LOX: variants seen among roughly 807,000 people sequenced by gnomAD.
LOX encodes lysyl oxidase, also known as protein-lysine 6-oxidase.
In LOX, 12 loss-of-function variants were observed where a neutral mutation model predicts 50.5. That is an observed-to-expected ratio of 0.24 (90% CI 0.15 to 0.38). The LOEUF (loss-of-function observed/expected upper bound fraction) is 0.38, where lower values mean the gene tolerates loss of function less well. Ranked by LOEUF, LOX falls within the 10% of genes least tolerant of loss-of-function variation. The probability of loss-of-function intolerance (pLI) is 1.00; values close to 1 mark genes in which losing one functional copy is unlikely to be tolerated. For synonymous variants in LOX, 254 were observed against 230.6 expected, an observed-to-expected ratio of 1.10 and a Z score of -0.92; for missense variants, 504 against 563.8, an observed-to-expected ratio of 0.89 and a Z score of 1.07.
Position 122,077,480 on chromosome 5 carries a change from TCGCCC to T in LOX, c.501_505del (p.Gly168ArgfsTer10). 1 of 1,613,958 alleles carries T rather than the reference TCGCCC, an allele frequency of 6.2e-7. No homozygotes were observed. Among genetic ancestry groups the T allele is most frequent in the South Asian group, 1.1e-5 (1 of 91,082 alleles). ...GTACTTGTAGGGGTTGTAAGGGTCG[TCGCCC>T]ACCATGCCGTCCACGCGGCTGGGCG... On this transcript the variant is annotated frameshift_variant, in exon 1 of 7. Transcript: ENST00000231004. LOFTEE classifies it high-confidence loss of function. This position sits in a 1 kb window ranked among gnomAD's most constrained non-coding sequence, Gnocchi z 4.9.
In LOX at chr5:122,076,788, C is replaced by G. The variant is rs867169424; in HGVS notation, c.740+105G>C. 1.3e-5 allele frequency: 12 copies of G among 946,250 alleles called. 1 individual carries two copies. In the Middle Eastern group the frequency reaches 2.3e-3, roughly 178 times the overall value. The allele number at this position is 946,250 out of a possible 1,614,324, so 58.6% of individuals were successfully genotyped here. ...GTCCCACTTCCCAGCTCTTGTCCCA[C>G]TTCCTAACACTTGTCTGCGCGAAGC... On this transcript the variant is annotated intron_variant, in intron 2 of 6. Transcript: ENST00000231004.
At position 122,077,072 on chromosome 5, in the gene LOX, C is replaced by T; in HGVS notation, c.632-71G>A. 2 of 1,585,464 alleles carry T rather than the reference C, an allele frequency of 1.3e-6. No homozygotes were observed. The highest frequency in any genetic ancestry group is 1.3e-5 in the African/African-American group (1 of 74,778). ...CCCCCCGCTCCAACTCCCTACCCCTCTAGGTCCCTTACTCCTCACCCTTCG... is the reference window on the plus strand; with the variant it reads ...CCCCCCGCTCCAACTCCCTACCCCTTTAGGTCCCTTACTCCTCACCCTTCG... On this transcript the variant is annotated intron_variant, in intron 1 of 6. Transcript: ENST00000231004. This position sits in a 1 kb window ranked among gnomAD's most constrained non-coding sequence, Gnocchi z 4.9.
Position 122,066,715 on chromosome 5 carries a change from T to TTATC in LOX, c.*24_*27dup, listed in dbSNP as rs775502043. On this transcript the variant is annotated 3_prime_UTR_variant, in exon 7 of 7. Coordinates refer to ENST00000231004, the MANE Select transcript of LOX (RefSeq NM_002317.7). ...CCACTTCAGAACACCAGGCACTGAT[T>TTATC]TATCCATTGGGAGTTTTGCTTTGCC... 61 of 1,593,662 alleles carry TTATC rather than the reference T, an allele frequency of 3.8e-5. No homozygotes were observed. The East Asian group carries it at 1.3e-3, about 33-fold the overall frequency.
At chr5:122,071,003 C>T (rs564641196) in intron 4 of LOX, among the ~76,000 whole-genome samples, 11 of 152,126 alleles carry the variant, frequency 7.2e-5, no homozygotes, top group Non-Finnish European at 5.9e-5. Context: ...GTGCTTTGAA[C>T]GTCCATGATA....
At chr5:122,070,725 C>T (rs1035920260) in intron 4 of LOX, 136 bp from the exon 5 acceptor site, 2 of 549,524 alleles carry the variant, frequency 3.6e-6, no homozygotes, top group African/African-American at 3.8e-5. Context: ...TATATTTCAT[C>T]TCCCTTGAGA....
At chr5:122,070,333 G>T (rs1158259863) in intron 5 of LOX, among the ~76,000 whole-genome samples, 161 bp downstream of exon 5, 2 of 152,114 alleles carry the variant, frequency 1.3e-5, no homozygotes, top group African/African-American at 4.8e-5. Context: ...TTCCCCTGAA[G>T]TTCTTTAAAA....
intron 6 of LOX, 76 bp downstream of exon 6, chr5:122,069,977 C>A (rs1754403312): frequency 9.9e-7 from 1 of 1,013,648 alleles, no homozygotes; most frequent in African/African-American, 1.6e-5. Context: ...GAAACAGATA[C>A]ATTCTATGTA....
chr5:122,069,538 A>G (rs1194853009), intron 6 of LOX, among the ~76,000 whole-genome samples: 1 of 152,144 alleles, frequency 6.6e-6, no homozygotes, highest in African/African-American at 2.4e-5. Flanking sequence ...ACACACCTCA[A>G]TCTTTTGCAG....
In LOX at chr5:122,078,023, G is replaced by A; in HGVS notation, c.-38C>T. ...CAGATTGACCCCGCTCGAGGAGGAC[G>A]TGGCTCACAGAAAATAAAAACGGGG... On this transcript the variant is annotated 5_prime_UTR_variant, in exon 1 of 7. The change creates a new upstream start codon in the 5' untranslated region. Coordinates refer to ENST00000231004, the MANE Select transcript of LOX (RefSeq NM_002317.7). 3 of 1,432,708 alleles carry A rather than the reference G, an allele frequency of 2.1e-6. No individual in the cohort carries two copies. Among genetic ancestry groups the A allele is most frequent in the Non-Finnish European group, 2.7e-6 (3 of 1,094,970 alleles). The allele number at this position is 1,432,708 out of a possible 1,614,324, so 88.7% of individuals were successfully genotyped here.
Position 122,077,046 on chromosome 5 carries a change from G to T in LOX, c.632-45C>A, listed in dbSNP as rs897715858. On this transcript the variant is annotated intron_variant, in intron 1 of 6. Transcript: ENST00000231004. This position sits in a 1 kb window ranked among gnomAD's most constrained non-coding sequence, Gnocchi z 4.9. Reference sequence around the variant, plus strand: ...GGGCGCAGCAGTGAAACAACCCGGCGCCCCCCGCTCCAACTCCCTACCCCT... The same window carrying T: ...GGGCGCAGCAGTGAAACAACCCGGCTCCCCCCGCTCCAACTCCCTACCCCT... 2 of 1,604,596 alleles carry T rather than the reference G, an allele frequency of 1.2e-6. No homozygotes were observed. The highest frequency in any genetic ancestry group is 2.7e-5 in the African/African-American group (2 of 74,822).
Position 122,070,074 on chromosome 5 carries a change from G to A in LOX, c.1226C>T (p.Ala409Val). The A allele has an allele frequency of 6.2e-7, 1 of 1,611,344 alleles. No homozygotes were observed. Among genetic ancestry groups the A allele is most frequent in the Non-Finnish European group, 8.5e-7 (1 of 1,177,706 alleles). Residue 409 changes from alanine to valine, a missense_variant, in exon 6 of 7, where the codon GCC becomes GTC. Ala to Val is a moderately conservative substitution (Grantham distance 64). This residue lies in a region of LOX where 106 missense variants were observed against 198.1 expected (regional missense o/e 0.54). Transcript: ENST00000231004. Reference sequence around the variant, plus strand: ...TTACGGTGAAATTGTGCAGCCTGAGGCATACGCATGATGTCCTGTGTAGCG... The same window carrying A: ...TTACGGTGAAATTGTGCAGCCTGAGACATACGCATGATGTCCTGTGTAGCG... ...DIRYTGHHAY[A>V]SGCTISPY is the part of the protein sequence containing the mutation.
rs1754680064 is a variant in LOX at position 122,077,693 on chromosome 5, C to T, written c.293G>A (p.Arg98His). 6.3e-7 allele frequency: 1 copy of T among 1,596,572 alleles called. No homozygotes were observed. Among genetic ancestry groups the T allele is most frequent in the Non-Finnish European group, 8.5e-7 (1 of 1,174,226 alleles). The change falls in exon 1 of 7, where the codon CGC becomes CAC. Residue 98 changes from arginine (R) to histidine (H), a missense_variant. Arg to His is a conservative substitution (Grantham distance 29). Around this residue, in one of 2 missense-constraint regions of LOX, gnomAD observed 398 missense variants for 365.8 expected, o/e 1.09. Coordinates refer to ENST00000231004, the MANE Select transcript of LOX (RefSeq NM_002317.7). The surrounding 1 kb of genome is among the most constrained non-coding windows in gnomAD (Gnocchi z 4.9). ...CGTCCGCGTTCGCGCCGCGGCGGTG[C>T]GGTTGTCGCGGATCAGCAGGATCGG... ...RTPILLIRDN[R>H]TAAARTRTAG...
rs190942682 is a variant in LOX at position 122,065,268 on chromosome 5, A to G, written c.*1475T>C. The G allele has an allele frequency of 4.6e-5, 7 of 152,200 alleles. No homozygotes were observed. Among genetic ancestry groups the G allele is most frequent in the Admixed American group, 1.3e-4 (2 of 15,274 alleles). The allele number at this position is 152,200 out of a possible 1,614,324, so 9.4% of individuals were successfully genotyped here. A position where few individuals can be genotyped will look rare whatever the true frequency, so the allele number is the denominator to read the frequency against. ...ACTAGTAATTGATGTTGACTTTACAATTCTATGACATGTAATACAGGATGC... is the reference window on the plus strand; with the variant it reads ...ACTAGTAATTGATGTTGACTTTACAGTTCTATGACATGTAATACAGGATGC... On this transcript the variant is annotated 3_prime_UTR_variant, in exon 7 of 7. Transcript: ENST00000231004.
At position 122,066,430 on chromosome 5, in the gene LOX, C is replaced by T. The variant is rs1754299608; in HGVS notation, c.*313G>A. 3.3e-6 allele frequency: 1 copy of T among 299,242 alleles called. No individual in the cohort carries two copies. The highest frequency in any genetic ancestry group is 8.6e-5 in the South Asian group (1 of 11,650). The allele number at this position is 299,242 out of a possible 1,614,324, so 18.5% of individuals were successfully genotyped here. ...TTTAGATAATACTGACCATTTTGCA[C>T]TACAATTTCAAAAGGAACATGAGAA... is the stretch of plus-strand genomic sequence containing the variant. On this transcript the variant is annotated 3_prime_UTR_variant, in exon 7 of 7. Coordinates refer to ENST00000231004, the MANE Select transcript of LOX (RefSeq NM_002317.7).
In LOX at chr5:122,071,399, A is replaced by G. The variant is rs980182233; in HGVS notation, c.1036-810T>C. Among the ~76,000 whole-genome samples the G allele has an allele frequency of 5.3e-5, 8 of 152,080 alleles. No homozygotes were observed. In the South Asian group the frequency reaches 1.7e-3, roughly 32 times the overall value. ...AGTCCCTGTTCTTAACTACCCCACT[A>G]TACTCTCTCTCATACAGTCACTGAA... On this transcript the variant is annotated intron_variant, in intron 4 of 6. Transcript: ENST00000231004.
rs764098732 is a variant in LOX at position 122,077,999 on chromosome 5, A to G, written c.-14T>C. On this transcript the variant is annotated 5_prime_UTR_variant, in exon 1 of 7. Transcript: ENST00000231004. The surrounding 1 kb of genome is among the most constrained non-coding windows in gnomAD (Gnocchi z 4.9). Reference sequence around the variant, plus strand: ...GGCGAAGCGCATCACTCCTTTTGCCAGATTGACCCCGCTCGAGGAGGACGT... The same window carrying G: ...GGCGAAGCGCATCACTCCTTTTGCCGGATTGACCCCGCTCGAGGAGGACGT... 6.9e-7 allele frequency: 1 copy of G among 1,442,468 alleles called. No homozygotes were observed. The highest frequency in any genetic ancestry group is 2.9e-5 in the Admixed American group (1 of 34,726). 89.4% of individuals were successfully genotyped at this position (1,442,468 alleles called of 1,614,324 possible).
rs1166947235 is a variant in LOX, at chr5:122,064,034, T to C, written c.*2709A>G. On this transcript the variant is annotated 3_prime_UTR_variant, in exon 7 of 7. Coordinates refer to ENST00000231004, the MANE Select transcript of LOX (RefSeq NM_002317.7). ...AAGACATCTTTAACCCAGACTGTGG[T>C]CTGAATCATCATGAGATCGCTAATA... is the stretch of plus-strand genomic sequence containing the variant. 6.6e-6 allele frequency: 1 copy of C among 151,958 alleles called. No homozygotes were observed. Among genetic ancestry groups the C allele is most frequent in the East Asian group, 1.9e-4 (1 of 5,190 alleles). 9.4% of individuals were successfully genotyped at this position (151,958 alleles called of 1,614,324 possible).
Position 122,077,077 on chromosome 5 carries a change from T to C in LOX, c.632-76A>G, listed in dbSNP as rs1580567214. 6.4e-7 allele frequency: 1 copy of C among 1,573,000 alleles called. No individual in the cohort carries two copies. The highest frequency in any genetic ancestry group is 1.8e-5 in the Admixed American group (1 of 55,846). Reference sequence around the variant, plus strand: ...CGCTCCAACTCCCTACCCCTCTAGGTCCCTTACTCCTCACCCTTCGCCCAC... The same window carrying C: ...CGCTCCAACTCCCTACCCCTCTAGGCCCCTTACTCCTCACCCTTCGCCCAC... On this transcript the variant is annotated intron_variant, in intron 1 of 6. Coordinates refer to ENST00000231004, the MANE Select transcript of LOX (RefSeq NM_002317.7). The surrounding 1 kb of genome is among the most constrained non-coding windows in gnomAD (Gnocchi z 4.9).
At position 122,077,721 on chromosome 5, in the gene LOX, T is replaced by A. The variant is rs754399452; in HGVS notation, c.265A>T (p.Thr89Ser). 2 of 1,583,756 alleles carry A rather than the reference T, an allele frequency of 1.3e-6. No individual in the cohort carries two copies. Among genetic ancestry groups the A allele is most frequent in the African/African-American group, 2.7e-5 (2 of 74,336 alleles). Reference protein sequence around the residue: ...AANASAQQPRTPILLIRDNRT... With the variant: ...AANASAQQPRSPILLIRDNRT... The stretch of plus-strand genomic sequence containing the variant: ...TTGTCGCGGATCAGCAGGATCGGAG[T>A]GCGGGGCTGCTGGGCGGAGGCGTTG... Residue 89 changes from threonine (T) to serine (S), a missense_variant, in exon 1 of 7, where the codon ACT (threonine) becomes TCT (serine). Physicochemically the swap from Thr to Ser is moderately conservative, Grantham distance 58 (BLOSUM62 1). Around this residue, in one of 2 missense-constraint regions of LOX, gnomAD observed 398 missense variants for 365.8 expected, o/e 1.09. Transcript: ENST00000231004. The surrounding 1 kb of genome is among the most constrained non-coding windows in gnomAD (Gnocchi z 4.9).
Sources: allele counts gnomAD v4.1 joint callset (sites outside exome capture counted in the v4.1 genomes callset), GRCh38; gene constraint gnomAD v4.1.1; regional missense constraint gnomAD v4.1.1; non-coding constraint Gnocchi (gnomAD v3.1); transcripts MANE v1.5; gene names NCBI Gene and HGNC (gene_info 2026-07-23, HGNC 2026-07-21).